The following PDE4B variants were observed in gnomAD, a reference collection of about 807,000 sequenced individuals.
PDE4B encodes the protein 3',5'-cyclic-AMP phosphodiesterase 4B.
PDE4B carries 20 observed loss-of-function variants against 82.2 expected under a neutral mutation model. That is an observed-to-expected ratio of 0.24 (90% CI 0.17 to 0.35). The LOEUF (loss-of-function observed/expected upper bound fraction) is 0.35, where lower values mean the gene tolerates loss of function less well. PDE4B is among the 10% of genes least tolerant of loss of function. The pLI is 1.00. For synonymous variants in PDE4B, 320 were observed against 318.9 expected (o/e 1.00, Z -0.04); for missense variants, 655 against 907.2 (o/e 0.72, Z 3.57).
chr1:66,346,451 T>A lies in PDE4B; in HGVS notation c.748-9076T>A, dbSNP rs143012216. Among the ~76,000 whole-genome samples, 541 of 152,338 alleles carry A rather than the reference T, an allele frequency of 3.6e-3. 1 individual carries two copies. The highest frequency in any genetic ancestry group is 0.012 in the African/African-American group (518 of 41,580). On this transcript the variant is annotated intron_variant, in intron 8 of 16. Coordinates refer to ENST00000341517, the MANE Select transcript of PDE4B (RefSeq NM_002600.4). The stretch of plus-strand genomic sequence containing the variant: ...GATTTCTCCAAATAGACTCTTTTTT[T>A]ACGGTTTAACTTAAGCATAAGACCA...
intron 3 of PDE4B, among the ~76,000 whole-genome samples, chr1:65,936,503 G>C (rs1648146764): frequency 6.6e-6 from 1 of 152,144 alleles, no homozygotes; most frequent in Non-Finnish European, 1.5e-5. Context: ...GACTGTATTG[G>C]AAATAACAAG....
At chr1:65,852,486 G>A (rs375907993) in intron 1 of PDE4B, among the ~76,000 whole-genome samples, 1 of 151,098 alleles carries the variant, frequency 6.6e-6, no homozygotes, top group African/African-American at 2.4e-5. Context: ...CTATCTAGTT[G>A]AGCTTACTTT....
chr1:66,121,726 G>A, intron 3 of PDE4B, among the ~76,000 whole-genome samples: 1 of 152,178 alleles, frequency 6.6e-6, no homozygotes, highest in East Asian at 1.9e-4. Flanking sequence ...TTCTAAAATA[G>A]CAACACAGCA....
At chr1:65,829,376 C>T (rs1646055639) in intron 1 of PDE4B, among the ~76,000 whole-genome samples, 1 of 152,094 alleles carries the variant, frequency 6.6e-6, no homozygotes, top group African/African-American at 2.4e-5. Context: ...CTTCAACACT[C>T]CTTTCTTATT....
At chr1:66,360,312 G>T (rs181966658) in intron 9 of PDE4B, 1 of 151,308 alleles carries the variant, frequency 6.6e-6, no homozygotes, top group Non-Finnish European at 1.5e-5. Context: ...CAGAGAGCAG[G>T]TGAGGTATAC....
At chr1:66,109,120 C>T (rs1645430720) in intron 3 of PDE4B, among the ~76,000 whole-genome samples, 1 of 151,812 alleles carries the variant, frequency 6.6e-6, no homozygotes, top group Non-Finnish European at 1.5e-5. Flanking sequence ...GGATGTAGAG[C>T]CTGTGAAACC....
At chr1:65,974,586 G>A (rs765105517) in intron 3 of PDE4B, among the ~76,000 whole-genome samples, 2 of 152,098 alleles carry the variant, frequency 1.3e-5, no homozygotes, top group African/African-American at 2.4e-5. Flanking sequence ...GTTTAGATTT[G>A]TGTCCCTGCC....
chr1:66,342,168 C>T (rs531210506), intron 8 of PDE4B, among the ~76,000 whole-genome samples: 15 of 151,908 alleles, frequency 9.9e-5, no homozygotes, highest in African/African-American at 2.2e-4. Context: ...GAAAATGACT[C>T]GAGGAATTGA....
chr1:65,894,176 G>A (rs1489437932), intron 1 of PDE4B, among the ~76,000 whole-genome samples: 7 of 151,940 alleles, frequency 4.6e-5, no homozygotes, highest in African/African-American at 1.7e-4. Context: ...AGAGTTAGAG[G>A]ATTTACACTA....
At chr1:66,283,089 G>T (rs1182633786) in intron 7 of PDE4B, among the ~76,000 whole-genome samples, 2 of 152,148 alleles carry the variant, frequency 1.3e-5, no homozygotes, top group Non-Finnish European at 1.5e-5. Flanking sequence ...AGGGGACATG[G>T]TGCCTGACCT....
At chr1:65,839,284 T>C (rs973827526) in intron 1 of PDE4B, among the ~76,000 whole-genome samples, 2 of 152,126 alleles carry the variant, frequency 1.3e-5, no homozygotes, top group Non-Finnish European at 2.9e-5. Flanking sequence ...TCCTATTATC[T>C]TTTTCTTTAA....
At chr1:65,941,769 A>G (rs1648460002) in intron 3 of PDE4B, among the ~76,000 whole-genome samples, 2 of 152,094 alleles carry the variant, frequency 1.3e-5, no homozygotes, top group Non-Finnish European at 2.9e-5. Context: ...CTTAAAATCT[A>G]TTCTCTTAGC....
chr1:65,944,427 T>C (rs1161006946), intron 3 of PDE4B, among the ~76,000 whole-genome samples: 1 of 151,946 alleles, frequency 6.6e-6, no homozygotes, highest in Non-Finnish European at 1.5e-5. Flanking sequence ...TTTCTCTTCC[T>C]GTAGTGCCCT....
chr1:66,168,571 A>T (rs963228017), intron 3 of PDE4B, among the ~76,000 whole-genome samples: 1 of 152,132 alleles, frequency 6.6e-6, no homozygotes, highest in African/African-American at 2.4e-5. Context: ...TGGCTTCAGC[A>T]GTGTGGGGAA....
intron 4 of PDE4B, 67 bp from the exon 5 acceptor site, chr1:66,257,580 A>G: frequency 7.5e-7 from 1 of 1,327,128 alleles, no homozygotes. Flanking sequence ...ATTTAATATT[A>G]TAGCTTATAT....
chr1:65,847,310 C>CACAGGGAGGTTAAGCTTTTTGAT (rs1646278459), intron 1 of PDE4B, among the ~76,000 whole-genome samples: 1 of 152,192 alleles, frequency 6.6e-6, no homozygotes, highest in African/African-American at 2.4e-5. Context: ...AGCTTTTTGA[C>CACAGGGAGGTTAAGCTTTTTGAT]TATGATCACA....
intron 3 of PDE4B, among the ~76,000 whole-genome samples, chr1:66,246,921 C>T (rs908930255): frequency 2.6e-5 from 4 of 152,164 alleles, no homozygotes; most frequent in African/African-American, 4.8e-5. Context: ...TCTAATAACC[C>T]AGTGGAGGTT....
At chr1:66,288,845 C>T (rs1233334199) in intron 7 of PDE4B, among the ~76,000 whole-genome samples, 1 of 152,138 alleles carries the variant, frequency 6.6e-6, no homozygotes, top group East Asian at 1.9e-4. Flanking sequence ...GATGCTCCAC[C>T]ATCAGCAGGA....
chr1:66,336,406 G>A (rs895073476), intron 8 of PDE4B, among the ~76,000 whole-genome samples: 7 of 152,118 alleles, frequency 4.6e-5, no homozygotes, highest in Non-Finnish European at 7.4e-5. Flanking sequence ...GGTGAAAAAC[G>A]TCAAAAGGGT....
Sources: gnomAD v4.1 joint callset for allele counts (sites outside exome capture counted in the v4.1 genomes callset) on GRCh38, gnomAD v4.1.1 for gene constraint, MANE v1.5 for transcripts, NCBI Gene and HGNC (gene_info 2026-07-23, HGNC 2026-07-21) for gene names.